Variants in EPC2 observed in about 807,000 individuals in gnomAD.
EPC2 encodes the protein enhancer of polycomb 2.
EPC2 carries 14 observed loss-of-function variants against 92.1 expected under a neutral mutation model. That is an observed-to-expected ratio of 0.15 (90% confidence interval 0.10 to 0.24). The LOEUF is 0.24. Among genes scored for constraint, EPC2 ranks in the 10% least tolerant of loss-of-function variants. The pLI, the probability that EPC2 is intolerant of heterozygous loss-of-function variation, is 1.00. For synonymous variants in EPC2, 340 were observed against 334.7 expected (o/e 1.02, Z -0.17); for missense variants, 755 against 971.5 (o/e 0.78, Z 2.96).
chr2:148,754,651 G>A (rs946073690), intron 4 of EPC2, among the ~76,000 whole-genome samples: 2 of 152,176 alleles, frequency 1.3e-5, no homozygotes, highest in East Asian at 1.9e-4. Context: ...CTACAAGGTC[G>A]TGGGAAGTAG....
intron 1 of EPC2, among the ~76,000 whole-genome samples, chr2:148,657,021 T>TA (rs1296660280): frequency 1.3e-5 from 2 of 152,162 alleles, no homozygotes; most frequent in Non-Finnish European, 2.9e-5. Context: ...TGCCTGTTGT[T>TA]ACGCTCATAT....
chr2:148,763,712 A>G (rs889842417), intron 6 of EPC2, among the ~76,000 whole-genome samples: 6 of 152,200 alleles, frequency 3.9e-5, no homozygotes, highest in Non-Finnish European at 7.3e-5. Context: ...CTAGCCCACC[A>G]TCCTGATTCT....
intron 1 of EPC2, among the ~76,000 whole-genome samples, chr2:148,677,895 C>G (rs1197828345): frequency 6.6e-6 from 1 of 152,104 alleles, no homozygotes; most frequent in African/African-American, 2.4e-5. Context: ...AGTGTTATAG[C>G]TCATAAAGGC....
chr2:148,673,654 G>A (rs1251777025), intron 1 of EPC2, among the ~76,000 whole-genome samples: 1 of 152,064 alleles, frequency 6.6e-6, no homozygotes, highest in Non-Finnish European at 1.5e-5. Context: ...TGCGATCTCG[G>A]CTCACTGCAG....
chr2:148,732,813 A>G lies in EPC2; in HGVS notation c.314-10809A>G, dbSNP rs1682664846. Among the ~76,000 whole-genome samples, 3 of 152,042 alleles carry G rather than the reference A, an allele frequency of 2.0e-5. No individual in the cohort carries two copies. The South Asian group carries it at 6.2e-4, about 32-fold the overall frequency. On this transcript the variant is annotated intron_variant, in intron 2 of 13. Transcript: ENST00000258484. ...ATGATAAGTTTTTTTATAAACCTGTATTTTTGTATGCAATTTTGCATATAA... is the reference window on the plus strand; with the variant it reads ...ATGATAAGTTTTTTTATAAACCTGTGTTTTTGTATGCAATTTTGCATATAA...
intron 2 of EPC2, among the ~76,000 whole-genome samples, chr2:148,693,118 AC>A (rs1341882009): frequency 1.3e-5 from 2 of 152,290 alleles, no homozygotes; most frequent in African/African-American, 4.8e-5. Context: ...TAAACTCATT[AC>A]TGATTTTTTC....
chr2:148,781,262 G>T (rs1019216314), intron 10 of EPC2, among the ~76,000 whole-genome samples: 1 of 152,032 alleles, frequency 6.6e-6, no homozygotes, highest in African/African-American at 2.4e-5. Context: ...TCTTATTAAG[G>T]CTATAACTTA....
intron 2 of EPC2, among the ~76,000 whole-genome samples, chr2:148,708,820 A>G (rs1193592186): frequency 6.6e-6 from 1 of 152,188 alleles, no homozygotes; most frequent in African/African-American, 2.4e-5. Flanking sequence ...ACTCTCAATA[A>G]ACTAGGCATT....
At chr2:148,753,492 T>C (rs1683117586) in intron 3 of EPC2, among the ~76,000 whole-genome samples, 1 of 152,214 alleles carries the variant, frequency 6.6e-6, no homozygotes, top group South Asian at 2.1e-4. Context: ...TCATCTTTTA[T>C]TTTGGACGCA....
Position 148,735,307 on chromosome 2 carries a change from C to G in EPC2, c.314-8315C>G, listed in dbSNP as rs149178358. On this transcript the variant is annotated intron_variant, in intron 2 of 13. Transcript: ENST00000258484. ...TTGTTGTCTCATATTTTTATCAACA[C>G]TTGTTACTGTGAAACTTTACAATTT... 6.1e-3 allele frequency among the ~76,000 whole-genome samples: 921 copies of G among 152,092 alleles called. 11 individuals carry two copies. The highest frequency in any genetic ancestry group is 0.021 in the African/African-American group (879 of 41,542).
At chr2:148,786,253 C>G (rs1683864143) in intron 13 of EPC2, 52 bp from the exon 14 acceptor site, 1 of 1,377,970 alleles carries the variant, frequency 7.3e-7, no homozygotes, top group Non-Finnish European at 1.0e-6. Flanking sequence ...ATGGTAACGT[C>G]ATGTTCTAGA....
chr2:148,719,724 C>T (rs116284544), intron 2 of EPC2, among the ~76,000 whole-genome samples: 2,749 of 152,272 alleles, frequency 0.018, 75 homozygotes, highest in African/African-American at 0.061. Context: ...ATCAGGGGCC[C>T]GCTTAAAGCA....
intron 1 of EPC2, among the ~76,000 whole-genome samples, chr2:148,679,393 C>T (rs1446722595): frequency 6.6e-6 from 1 of 152,062 alleles, no homozygotes; most frequent in African/African-American, 2.4e-5. Flanking sequence ...AAATATCTAC[C>T]AATATATCCC....
intron 1 of EPC2, among the ~76,000 whole-genome samples, chr2:148,663,920 TAA>T (rs1681005736): frequency 6.6e-6 from 1 of 152,110 alleles, no homozygotes. Flanking sequence ...AAGCTCAGGG[TAA>T]TGCTTGCTTG....
In EPC2 at chr2:148,716,859, C is replaced by T. The variant is rs536463912; in HGVS notation, c.313+26486C>T. 5.3e-5 allele frequency among the ~76,000 whole-genome samples: 8 copies of T among 152,154 alleles called. No homozygotes were observed. In the East Asian group the frequency reaches 5.8e-4, roughly 11 times the overall value. On this transcript the variant is annotated intron_variant, in intron 2 of 13. Coordinates refer to ENST00000258484, the MANE Select transcript of EPC2 (RefSeq NM_015630.4). ...CTCTGGTATAATTTAGCTGTGAATC[C>T]GTCTGGTCCTGGGCTTTTTTTGGTT...
chr2:148,681,508 T>C (rs1164068954), intron 1 of EPC2, among the ~76,000 whole-genome samples: 3 of 152,200 alleles, frequency 2.0e-5, no homozygotes, highest in Non-Finnish European at 2.9e-5. Flanking sequence ...AGTTTGAATA[T>C]ATTAGGGTTT....
chr2:148,651,916 T>C (rs1680695497), intron 1 of EPC2, among the ~76,000 whole-genome samples: 1 of 152,140 alleles, frequency 6.6e-6, no homozygotes, highest in Non-Finnish European at 1.5e-5. Flanking sequence ...AAAAAGAACA[T>C]GCTAGAGCCA....
chr2:148,697,739 A>G (rs1681780423), intron 2 of EPC2, among the ~76,000 whole-genome samples: 1 of 152,198 alleles, frequency 6.6e-6, no homozygotes, highest in Non-Finnish European at 1.5e-5. Flanking sequence ...CATACACTAG[A>G]AGAACACAAA....
chr2:148,706,611 C>T (rs1221937908), intron 2 of EPC2, among the ~76,000 whole-genome samples: 1 of 152,182 alleles, frequency 6.6e-6, no homozygotes, highest in African/African-American at 2.4e-5. Flanking sequence ...GGTCGGGTTA[C>T]TCACAAAGAG....
Sources: gnomAD v4.1 joint callset for allele counts (sites outside exome capture counted in the v4.1 genomes callset) on GRCh38, gnomAD v4.1.1 for gene constraint, MANE v1.5 for transcripts, NCBI Gene and HGNC (gene_info 2026-07-23, HGNC 2026-07-21) for gene names.